Variants in PLEK observed in about 807,000 individuals in gnomAD.
PLEK encodes pleckstrin.
A neutral mutation model predicts 43.9 loss-of-function variants in PLEK; 25 were observed. The observed-to-expected ratio is 0.57, with a 90% CI of 0.41 to 0.79. The LOEUF (loss-of-function observed/expected upper bound fraction) is 0.79, where lower values mean the gene tolerates loss of function less well. PLEK is among the 30% of genes least tolerant of loss of function. PLEK has a pLI of 0.00. For synonymous variants in PLEK, 152 were observed against 144.4 expected (o/e 1.05, Z -0.38); for missense variants, 396 against 413.3 (o/e 0.96, Z 0.36).
At chr2:68,380,519 T>C in intron 2 of PLEK, 36 bp downstream of exon 2, 1 of 1,598,234 alleles carries the variant, frequency 6.3e-7, no homozygotes, top group South Asian at 1.1e-5. Context: ...GAACCCCTGG[T>C]CAGGCACTCA....
At chr2:68,384,282 T>C (rs768438547) in intron 4 of PLEK, among the ~76,000 whole-genome samples, 3 of 152,114 alleles carry the variant, frequency 2.0e-5, no homozygotes, top group Non-Finnish European at 4.4e-5. Context: ...AGTTTCACTT[T>C]TGTTGTTCAG....
At chr2:68,394,231 C>G in intron 8 of PLEK, 55 bp downstream of exon 8, 1 of 946,144 alleles carries the variant, frequency 1.1e-6, no homozygotes, top group Non-Finnish European at 1.8e-6. Flanking sequence ...CCCTCCCACA[C>G]CTGGACATCC....
At chr2:68,386,391 G>T (rs1673741617) in intron 4 of PLEK, 111 bp from the exon 5 acceptor site, 1 of 682,772 alleles carries the variant, frequency 1.5e-6, no homozygotes, top group Non-Finnish European at 2.5e-6. Context: ...AATAACAGGG[G>T]AGACGAGACA....
At chr2:68,382,675 C>A in intron 4 of PLEK, 42 bp downstream of exon 4, 2 of 1,108,858 alleles carry the variant, frequency 1.8e-6, no homozygotes, top group Non-Finnish European at 2.8e-6. Flanking sequence ...ACTGGGAAGG[C>A]GATATGGAGT....
chr2:68,365,970 G>C (rs746285735), intron 1 of PLEK, among the ~76,000 whole-genome samples: 1 of 152,024 alleles, frequency 6.6e-6, no homozygotes, highest in Non-Finnish European at 1.5e-5. Context: ...ATGTGGCATC[G>C]AGGTGGTAGA....
At chr2:68,377,126 C>G (rs1238415580) in intron 1 of PLEK, among the ~76,000 whole-genome samples, 1 of 152,158 alleles carries the variant, frequency 6.6e-6, no homozygotes, top group Non-Finnish European at 1.5e-5. Flanking sequence ...CAAAGTAGCC[C>G]TCCATTGTGT....
Position 68,380,921 on chromosome 2 carries a change from A to T in PLEK, c.380+17A>T, listed in dbSNP as rs770724694. On this transcript the variant is annotated intron_variant, in intron 3 of 8. Coordinates refer to ENST00000234313, the MANE Select transcript of PLEK (RefSeq NM_002664.3). ...TGACTTAGGGTGATTTTCTGTGTTTACTTCTCTTTACCCATTCCTTCTGAA... is the reference window on the plus strand; with the variant it reads ...TGACTTAGGGTGATTTTCTGTGTTTTCTTCTCTTTACCCATTCCTTCTGAA... 1 of 1,602,874 alleles carries T rather than the reference A, an allele frequency of 6.2e-7. No individual in the cohort carries two copies. The highest frequency in any genetic ancestry group is 8.5e-7 in the Non-Finnish European group (1 of 1,171,746).
At chr2:68,371,758 C>T (rs747199235) in intron 1 of PLEK, among the ~76,000 whole-genome samples, 34 of 151,786 alleles carry the variant, frequency 2.2e-4, no homozygotes, top group African/African-American at 7.3e-4. Context: ...TCCTTGCTTT[C>T]GATCTTACAC....
chr2:68,366,926 T>G (rs1206720385), intron 1 of PLEK, among the ~76,000 whole-genome samples: 1 of 152,238 alleles, frequency 6.6e-6, no homozygotes, highest in African/African-American at 2.4e-5. Context: ...TGTATGCTCA[T>G]ATTTTAATCT....
intron 6 of PLEK, among the ~76,000 whole-genome samples, chr2:68,390,663 T>C (rs1673841624): frequency 6.6e-6 from 1 of 152,222 alleles, no homozygotes; most frequent in Non-Finnish European, 1.5e-5. Flanking sequence ...TTAAAAACTT[T>C]TTCTTAAAAT....
intron 1 of PLEK, among the ~76,000 whole-genome samples, chr2:68,373,595 A>G (rs914071106): frequency 3.3e-5 from 5 of 152,108 alleles, no homozygotes; most frequent in East Asian, 1.9e-4. Flanking sequence ...ATAAAAAAAA[A>G]AAAAGAAAAG....
intron 1 of PLEK, among the ~76,000 whole-genome samples, chr2:68,368,147 A>C (rs2103754849): frequency 6.6e-6 from 1 of 152,314 alleles, no homozygotes; most frequent in South Asian, 2.1e-4. Flanking sequence ...AAGATCTCCA[A>C]ATGAAGACAG....
Position 68,386,725 on chromosome 2 carries a change from G to C in PLEK, c.657+39G>C, listed in dbSNP as rs777680625. 1.5e-5 allele frequency: 22 copies of C among 1,478,312 alleles called. No individual in the cohort carries two copies. In the African/African-American group the frequency reaches 2.9e-4, roughly 20 times the overall value. 91.6% of individuals were successfully genotyped at this position (1,478,312 alleles called of 1,614,324 possible). ...CCCATCTCTTCTTCCTGTAAGGGAG[G>C]CTGCCCTGAGCAGATTCTAGATTGA... is the stretch of plus-strand genomic sequence containing the variant. On this transcript the variant is annotated intron_variant, in intron 5 of 8. Coordinates refer to ENST00000234313, the MANE Select transcript of PLEK (RefSeq NM_002664.3).
At chr2:68,382,781 A>G in intron 4 of PLEK, 148 bp downstream of exon 4, 2 of 569,388 alleles carry the variant, frequency 3.5e-6, no homozygotes, top group South Asian at 2.8e-5. Flanking sequence ...TGAAGCTCCT[A>G]CAGAGTGAAA....
intron 6 of PLEK, among the ~76,000 whole-genome samples, chr2:68,392,697 G>A (rs13387153): frequency 0.021 from 3,147 of 152,260 alleles, 83 homozygotes; most frequent in African/African-American, 0.062. Context: ...AGGTCTTTAT[G>A]AGGCTTTCTT....
chr2:68,395,644 C>G, intron 8 of PLEK, 36 bp from the exon 9 acceptor site: 1 of 1,613,012 alleles, frequency 6.2e-7, no homozygotes, highest in Non-Finnish European at 8.5e-7. Context: ...CTTTCTGATG[C>G]CTGTGCGTGC....
intron 6 of PLEK, among the ~76,000 whole-genome samples, chr2:68,389,852 T>C (rs1173003041): frequency 1.3e-5 from 2 of 152,198 alleles, no homozygotes; most frequent in Non-Finnish European, 2.9e-5. Context: ...AATATTCCTA[T>C]GTTCCTGGCT....
intron 4 of PLEK, among the ~76,000 whole-genome samples, chr2:68,385,713 T>C (rs1465879828): frequency 6.6e-6 from 1 of 152,206 alleles, no homozygotes; most frequent in Non-Finnish European, 1.5e-5. Context: ...GGCAAACGCC[T>C]ACTCATATTT....
intron 6 of PLEK, among the ~76,000 whole-genome samples, chr2:68,390,112 G>A (rs1010831612): frequency 6.6e-6 from 1 of 152,192 alleles, no homozygotes; most frequent in Non-Finnish European, 1.5e-5. Context: ...ACCTGGGATG[G>A]TCAAAAATTG....
Sources: allele counts gnomAD v4.1 joint callset (sites outside exome capture counted in the v4.1 genomes callset), GRCh38; gene constraint gnomAD v4.1.1; transcripts MANE v1.5; gene names NCBI Gene and HGNC (gene_info 2026-07-23, HGNC 2026-07-21).